The following ZNF536 variants were observed in gnomAD, a reference collection of about 807,000 sequenced individuals.
ZNF536 encodes zinc finger protein 536.
ZNF536 carries 13 observed loss-of-function variants against 84.5 expected under a neutral mutation model. That is an observed-to-expected ratio of 0.15 (90% confidence interval 0.10 to 0.24). The LOEUF (loss-of-function observed/expected upper bound fraction) is 0.24. Among genes scored for constraint, ZNF536 ranks in the 10% least tolerant of loss-of-function variants. ZNF536 has a pLI of 1.00. For missense variants in ZNF536, 1,536 were observed against 1,747.5 expected, an observed-to-expected ratio of 0.88 and a Z score of 2.16; for synonymous variants, 811 against 742.5, an observed-to-expected ratio of 1.09 and a Z score of -1.50.
At chr19:30,654,831 C>G (rs1279405159) in intron 1 of ZNF536, among the ~76,000 whole-genome samples, 1 of 151,538 alleles carries the variant, frequency 6.6e-6, no homozygotes, top group Admixed American at 6.6e-5. Context: ...TGCCACCCAC[C>G]CCCCACACAC....
intron 2 of ZNF536, among the ~76,000 whole-genome samples, chr19:30,304,013 A>G (rs141549490): frequency 1.3e-5 from 2 of 152,294 alleles, no homozygotes; most frequent in Non-Finnish European, 2.9e-5. Flanking sequence ...ACTGGTGGGT[A>G]GGCAGCGGTC....
intron 1 of ZNF536, among the ~76,000 whole-genome samples, chr19:30,683,688 C>A (rs1486498474): frequency 6.6e-6 from 1 of 152,130 alleles, no homozygotes; most frequent in Non-Finnish European, 1.5e-5. Context: ...AAAGACATGA[C>A]CTTTCTAATG....
intron 1 of ZNF536, among the ~76,000 whole-genome samples, chr19:30,638,198 AC>A (rs2049141704): frequency 6.6e-6 from 1 of 152,244 alleles, no homozygotes; most frequent in South Asian, 2.1e-4. Context: ...GTCTTTCTCA[AC>A]CCAGACCTCT....
intron 2 of ZNF536, among the ~76,000 whole-genome samples, chr19:30,469,274 C>T (rs1056685144): frequency 7.2e-5 from 11 of 152,012 alleles, no homozygotes; most frequent in Admixed American, 4.6e-4. Context: ...ATTAGCCGGG[C>T]GTGGTGGTGG....
At chr19:30,260,169 G>T (rs55714276) in intron 1 of ZNF536, among the ~76,000 whole-genome samples, 1 of 152,154 alleles carries the variant, frequency 6.6e-6, no homozygotes, top group South Asian at 2.1e-4. Context: ...AGGTGACTCC[G>T]ATGTCTAAAA....
intron 2 of ZNF536, among the ~76,000 whole-genome samples, chr19:30,464,971 G>A (rs1452625861): frequency 2.0e-5 from 3 of 152,136 alleles, no homozygotes; most frequent in Non-Finnish European, 4.4e-5. Flanking sequence ...GGGACTGCCT[G>A]ATGAGAACTG....
At chr19:30,345,685 T>C (rs918863150) in intron 2 of ZNF536, among the ~76,000 whole-genome samples, 1 of 152,158 alleles carries the variant, frequency 6.6e-6, no homozygotes, top group Non-Finnish European at 1.5e-5. Flanking sequence ...ACCAGGTCAT[T>C]GAAGGCAGAG....
intron 1 of ZNF536, among the ~76,000 whole-genome samples, chr19:30,382,143 C>T (rs553017710): frequency 9.2e-5 from 14 of 152,174 alleles, no homozygotes; most frequent in South Asian, 8.3e-4. Flanking sequence ...CTGCTGCCCC[C>T]GCCTGCAAAG....
At chr19:30,413,820 G>A (rs536038045) in intron 1 of ZNF536, among the ~76,000 whole-genome samples, 75 of 152,130 alleles carry the variant, frequency 4.9e-4, no homozygotes, top group East Asian at 4.6e-3. Context: ...GGCTGGGCAC[G>A]GTGGTTCACG....
At chr19:30,408,034 C>G (rs2050335668) in intron 1 of ZNF536, among the ~76,000 whole-genome samples, 1 of 152,162 alleles carries the variant, frequency 6.6e-6, no homozygotes, top group Non-Finnish European at 1.5e-5. Flanking sequence ...CCTTGGCCCA[C>G]TCATCACCAA....
At chr19:30,250,968 G>A (rs1180532320) in intron 1 of ZNF536, among the ~76,000 whole-genome samples, 1 of 151,622 alleles carries the variant, frequency 6.6e-6, no homozygotes, top group Non-Finnish European at 1.5e-5. Context: ...AGCACATATG[G>A]TCTGTCCATG....
chr19:30,494,952 GAAA>G (rs35362561), intron 2 of ZNF536, among the ~76,000 whole-genome samples: 1 of 89,128 alleles, frequency 1.1e-5, no homozygotes, highest in South Asian at 3.4e-4. Flanking sequence ...TCTCAAAAAA[GAAA>G]AAAAAAAAAA....
intron 2 of ZNF536, among the ~76,000 whole-genome samples, chr19:30,465,656 C>A (rs575329076): frequency 3.3e-5 from 5 of 152,244 alleles, no homozygotes; most frequent in Non-Finnish European, 7.4e-5. Flanking sequence ...TTTGGGAGGC[C>A]AAGGCAGGAG....
intron 2 of ZNF536, among the ~76,000 whole-genome samples, chr19:30,495,508 C>T (rs1178182032): frequency 6.6e-6 from 1 of 152,188 alleles, no homozygotes; most frequent in Non-Finnish European, 1.5e-5. Context: ...CAGAGGCATG[C>T]TGGTGTTTCG....
chr19:30,500,049 CT>C (rs1473984398), intron 2 of ZNF536, among the ~76,000 whole-genome samples: 1 of 152,190 alleles, frequency 6.6e-6, no homozygotes, highest in Non-Finnish European at 1.5e-5. Flanking sequence ...TATGCCAGCT[CT>C]TTTTACCAAA....
chr19:30,345,449 T>C (rs1442307864), intron 2 of ZNF536, among the ~76,000 whole-genome samples: 3 of 152,354 alleles, frequency 2.0e-5, no homozygotes, highest in Non-Finnish European at 4.4e-5. Context: ...TTTAAGGAAA[T>C]CTGTGGTCAG....
At chr19:30,439,959 CTTTTTTTTTTTTT>C (rs199638233) in intron 1 of ZNF536, among the ~76,000 whole-genome samples, 1 of 96,396 alleles carries the variant, frequency 1.0e-5, no homozygotes. Context: ...TTCTTTCTTT[CTTTTTTTTTTTTT>C]TTTTTTTTGA....
intron 1 of ZNF536, among the ~76,000 whole-genome samples, chr19:30,667,619 T>C (rs2050381847): frequency 6.9e-6 from 1 of 145,504 alleles, no homozygotes; most frequent in South Asian, 2.1e-4. Context: ...CTAGAGTTTT[T>C]TCTAGCTTTT....
chr19:30,380,307 C>T (rs544406945), intron 1 of ZNF536, among the ~76,000 whole-genome samples: 1 of 152,140 alleles, frequency 6.6e-6, no homozygotes, highest in Admixed American at 6.5e-5. Flanking sequence ...GAAATTCACA[C>T]ATGGGGTTAA....
Sources: allele counts gnomAD v4.1 joint callset (sites outside exome capture counted in the v4.1 genomes callset), GRCh38; gene constraint gnomAD v4.1.1; transcripts MANE v1.5; gene names NCBI Gene and HGNC (gene_info 2026-07-23, HGNC 2026-07-21).